The following SPON1 variants were observed in gnomAD, a reference collection of about 807,000 sequenced individuals.
SPON1 encodes spondin-1.
SPON1 carries 52 observed loss-of-function variants against 111.7 expected under a neutral mutation model. That is an observed-to-expected ratio of 0.47 (90% confidence interval 0.37 to 0.59). The LOEUF (loss-of-function observed/expected upper bound fraction) is 0.59, where lower values mean the gene tolerates loss of function less well. Among genes scored for constraint, SPON1 ranks in the 20% least tolerant of loss-of-function variants. SPON1 has a pLI of 0.00. For missense variants in SPON1, 957 were observed against 1,068.5 expected (o/e 0.90, Z 1.46); for synonymous variants, 410 against 395.8 (o/e 1.04, Z -0.43).
intron 5 of SPON1, among the ~76,000 whole-genome samples, chr11:14,091,468 G>GC (rs1371100331): frequency 2.6e-5 from 4 of 152,198 alleles, no homozygotes; most frequent in Non-Finnish European, 5.9e-5. Flanking sequence ...CCCGAGCCCT[G>GC]CCCCGCGGGA....
chr11:14,000,800 A>G (rs1848311569), intron 2 of SPON1, among the ~76,000 whole-genome samples: 2 of 152,136 alleles, frequency 1.3e-5, no homozygotes, highest in African/African-American at 4.8e-5. Flanking sequence ...GGGCCCTAGC[A>G]TTGGGTTTTA....
At chr11:13,972,976 G>A (rs551751603) in intron 1 of SPON1, among the ~76,000 whole-genome samples, 170 of 151,924 alleles carry the variant, frequency 1.1e-3, no homozygotes, top group African/African-American at 4.0e-3. Flanking sequence ...TCCCTCCTTC[G>A]CTCTATCTTT....
intron 1 of SPON1, among the ~76,000 whole-genome samples, chr11:13,970,228 A>T (rs1189625684): frequency 6.6e-6 from 1 of 152,200 alleles, no homozygotes; most frequent in Non-Finnish European, 1.5e-5. Context: ...GTTGGGGTGC[A>T]GATAGGACAG....
intron 5 of SPON1, among the ~76,000 whole-genome samples, chr11:14,084,747 T>C (rs1554922416): frequency 1.3e-5 from 2 of 152,256 alleles, no homozygotes; most frequent in African/African-American, 4.8e-5. Context: ...ATGGTTGAAC[T>C]AATTTACACT....
intron 2 of SPON1, among the ~76,000 whole-genome samples, chr11:14,014,470 A>G (rs1258305639): frequency 6.6e-6 from 1 of 152,200 alleles, no homozygotes; most frequent in Non-Finnish European, 1.5e-5. Context: ...GGCATCCTGG[A>G]TTCAAGGAAC....
intron 2 of SPON1, among the ~76,000 whole-genome samples, chr11:14,020,282 C>T (rs187361486): frequency 8.5e-5 from 13 of 152,230 alleles, no homozygotes; most frequent in Non-Finnish European, 1.8e-4. Context: ...CAGAGAAGCA[C>T]CCCAAAGGGA....
At chr11:14,174,605 G>A (rs1236237822) in intron 6 of SPON1, among the ~76,000 whole-genome samples, 1 of 151,286 alleles carries the variant, frequency 6.6e-6, no homozygotes, top group Admixed American at 6.6e-5. Flanking sequence ...TGAGTCCGAG[G>A]CTACCGGAAG....
intron 6 of SPON1, among the ~76,000 whole-genome samples, chr11:14,226,257 A>G (rs1591418110): frequency 6.6e-6 from 1 of 152,318 alleles, no homozygotes; most frequent in African/African-American, 2.4e-5. Context: ...CTCCCTTCTA[A>G]TGACAGGTTT....
At chr11:14,056,422 A>G (rs188591476) in intron 3 of SPON1, among the ~76,000 whole-genome samples, 4 of 152,336 alleles carry the variant, frequency 2.6e-5, no homozygotes, top group African/African-American at 9.6e-5. Flanking sequence ...AAAACTGTAC[A>G]TTTTAAAGGT....
chr11:14,040,877 G>C (rs929771117), intron 2 of SPON1, among the ~76,000 whole-genome samples: 3 of 152,104 alleles, frequency 2.0e-5, no homozygotes, highest in African/African-American at 7.2e-5. Flanking sequence ...GAGGGATAGG[G>C]AAATACCACA....
At chr11:14,196,590 C>T (rs1554935108) in intron 6 of SPON1, among the ~76,000 whole-genome samples, 1 of 152,188 alleles carries the variant, frequency 6.6e-6, no homozygotes, top group Non-Finnish European at 1.5e-5. Context: ...CATTTCCAAC[C>T]AGTGGTCTTT....
At chr11:14,237,462 GA>G (rs782254686) in intron 6 of SPON1, among the ~76,000 whole-genome samples, 4 of 152,200 alleles carry the variant, frequency 2.6e-5, no homozygotes, top group Non-Finnish European at 5.9e-5. Context: ...AGGGAAAGTG[GA>G]AAGAATGTGA....
At chr11:14,048,387 A>C (rs1848685137) in intron 3 of SPON1, among the ~76,000 whole-genome samples, 2 of 152,222 alleles carry the variant, frequency 1.3e-5, no homozygotes, top group Non-Finnish European at 2.9e-5. Context: ...TCCTGGGAGA[A>C]GGCAGCCTAG....
intron 1 of SPON1, among the ~76,000 whole-genome samples, chr11:13,967,276 C>T (rs191161526): frequency 6.6e-6 from 1 of 152,148 alleles, no homozygotes; most frequent in African/African-American, 2.4e-5. Flanking sequence ...GGATGGTGAG[C>T]CTTCCTTCAA....
chr11:14,230,006 C>T (rs1294406169), intron 6 of SPON1, among the ~76,000 whole-genome samples: 2 of 150,170 alleles, frequency 1.3e-5, no homozygotes, highest in African/African-American at 5.0e-5. Flanking sequence ...ATTCCTAGAA[C>T]GGACACCCTT....
intron 2 of SPON1, among the ~76,000 whole-genome samples, chr11:14,037,494 C>A: frequency 6.9e-6 from 1 of 145,068 alleles, no homozygotes; most frequent in African/African-American, 2.5e-5. Flanking sequence ...GTCTTTTCAA[C>A]AAATGGTGCT....
intron 6 of SPON1, among the ~76,000 whole-genome samples, chr11:14,183,500 C>G (rs1311500432): frequency 5.3e-5 from 8 of 152,188 alleles, no homozygotes; most frequent in African/African-American, 1.9e-4. Context: ...CTCATTAGAG[C>G]CAGTAAGTTT....
At chr11:14,127,324 T>G (rs1847472021) in intron 5 of SPON1, among the ~76,000 whole-genome samples, 1 of 150,294 alleles carries the variant, frequency 6.7e-6, no homozygotes, top group Non-Finnish European at 1.5e-5. Flanking sequence ...AAAACCCAGT[T>G]TTAACTACTT....
intron 6 of SPON1, among the ~76,000 whole-genome samples, chr11:14,184,519 C>T (rs1348961234): frequency 6.6e-6 from 1 of 152,200 alleles, no homozygotes; most frequent in African/African-American, 2.4e-5. Context: ...GTTTCTTCCT[C>T]TCAGAGGGCC....
Sources: gnomAD v4.1 joint callset for allele counts (sites outside exome capture counted in the v4.1 genomes callset) on GRCh38, gnomAD v4.1.1 for gene constraint, MANE v1.5 for transcripts, NCBI Gene and HGNC (gene_info 2026-07-23, HGNC 2026-07-21) for gene names.